NBAS: variants seen among roughly 807,000 people sequenced by gnomAD.
The protein encoded by NBAS is NBAS subunit of NRZ tethering complex.
In NBAS, 219 loss-of-function variants were observed where a neutral mutation model predicts 302.5. The ratio of observed to expected loss-of-function variants is 0.72; its 90% CI spans 0.65 to 0.81. NBAS has a LOEUF of 0.81. NBAS is among the 30% of genes least tolerant of loss of function. The probability of loss-of-function intolerance (pLI) is 0.00; values close to 1 mark genes in which losing one functional copy is unlikely to be tolerated. For missense variants in NBAS, 2,932 were observed against 2,841.6 expected (o/e 1.03, Z -0.72); for synonymous variants, 1,118 against 1,021.6 (o/e 1.09, Z -1.80).
In NBAS at chr2:15,292,605, C is replaced by T. The variant is rs778816080; in HGVS notation, c.4959G>A (p.Lys1653=). ...TQAQILQGLR[K]GVDVQRFTAD... ...CAGTAAACCGCTGCACGTCCACACC[C>T]TTCCGAAGGCCCTGAAGGATCTGCG... The change falls in exon 41 of 52, where the codon AAG becomes AAA. Residue 1653 remains lysine (K), a synonymous_variant. Transcript: ENST00000281513. The T allele has an allele frequency of 1.2e-6, 2 of 1,614,192 alleles. No homozygotes were observed. The highest frequency in any genetic ancestry group is 1.1e-5 in the South Asian group (1 of 91,078).
chr2:15,096,839 G>A, the NBAS span, among the ~76,000 whole-genome samples: 1 of 152,210 alleles, frequency 6.6e-6, no homozygotes, highest in South Asian at 2.1e-4. Context: ...ACCTGCTAAT[G>A]TCCCAGCACA....
the NBAS span, among the ~76,000 whole-genome samples, chr2:14,869,917 A>C: frequency 6.6e-6 from 1 of 152,228 alleles, no homozygotes; most frequent in Non-Finnish European, 1.5e-5. Flanking sequence ...TTCATCACAG[A>C]GTCAACACTG....
In NBAS at chr2:15,379,825, T is replaced by C. The variant is rs1359745855; in HGVS notation, c.3367A>G (p.Thr1123Ala). The change falls in exon 30 of 52, where the codon ACA becomes GCA. Residue 1123 changes from threonine to alanine, a missense_variant. Thr to Ala is a moderately conservative substitution (Grantham distance 58, BLOSUM62 0). Coordinates refer to ENST00000281513, the MANE Select transcript of NBAS (RefSeq NM_015909.4). ...LDSDACYEIF[T>A]ESLLCSSRLE... is the part of the protein sequence containing the mutation. ...CGACTAGAGCACAGAAGGCTTTCTG[T>C]AAATATCTGGAAAAAAGGAGAAACT... 4 of 1,613,566 alleles carry C rather than the reference T, an allele frequency of 2.5e-6. No individual in the cohort carries two copies. Among genetic ancestry groups the C allele is most frequent in the East Asian group, 4.5e-5 (2 of 44,830 alleles).
intron 12 of NBAS, among the ~76,000 whole-genome samples, chr2:15,485,771 G>A (rs550744636): frequency 3.3e-5 from 5 of 152,182 alleles, no homozygotes; most frequent in African/African-American, 9.7e-5. Context: ...TGGAAAGTAC[G>A]GCAGAAATGG....
At chr2:15,073,342 G>A in the NBAS span, among the ~76,000 whole-genome samples, 1 of 151,700 alleles carries the variant, frequency 6.6e-6, no homozygotes, top group Admixed American at 6.6e-5. Context: ...AGCTGGGCGT[G>A]GTGGCAGGTG....
the NBAS span, among the ~76,000 whole-genome samples, chr2:15,003,316 C>G: frequency 6.6e-6 from 1 of 152,158 alleles, no homozygotes; most frequent in South Asian, 2.1e-4. Flanking sequence ...TGAAGATGAT[C>G]TGGCAGTTGC....
chr2:15,317,515 C>T (rs931431287), intron 38 of NBAS, among the ~76,000 whole-genome samples: 13 of 152,052 alleles, frequency 8.5e-5, no homozygotes, highest in African/African-American at 3.1e-4. Context: ...AAGGGTTAGA[C>T]GAATGTCTAA....
At chr2:14,837,063 A>G in the NBAS span, among the ~76,000 whole-genome samples, 2 of 151,822 alleles carry the variant, frequency 1.3e-5, no homozygotes, top group Non-Finnish European at 3.0e-5. Context: ...TATCTGTCAA[A>G]CCTCTTAGAT....
At chr2:14,840,754 A>G in the NBAS span, among the ~76,000 whole-genome samples, 1 of 152,104 alleles carries the variant, frequency 6.6e-6, no homozygotes, top group African/African-American at 2.4e-5. Flanking sequence ...TTACCACCAC[A>G]AGATCCATCT....
chr2:15,523,248 C>T (rs921531671), intron 9 of NBAS, among the ~76,000 whole-genome samples: 9 of 152,146 alleles, frequency 5.9e-5, no homozygotes, highest in South Asian at 2.1e-4. Context: ...CGCAATTTCC[C>T]GGAGAGACTA....
chr2:14,793,476 G>A, the NBAS span, among the ~76,000 whole-genome samples: 1 of 152,024 alleles, frequency 6.6e-6, no homozygotes, highest in African/African-American at 2.4e-5. Flanking sequence ...CAGTAAACTT[G>A]AGGACAGAAC....
At chr2:15,099,045 G>A in the NBAS span, among the ~76,000 whole-genome samples, 3 of 151,888 alleles carry the variant, frequency 2.0e-5, no homozygotes, top group Non-Finnish European at 2.9e-5. Context: ...CATGGCTCAC[G>A]CCTGTAATCC....
chr2:15,191,405 A>G (rs73194934), intron 48 of NBAS, among the ~76,000 whole-genome samples: 2,796 of 152,320 alleles, frequency 0.018, 67 homozygotes, highest in African/African-American at 0.062. Flanking sequence ...CTATGAAATT[A>G]TCACTAATTG....
At chr2:15,549,596 C>T (rs1257494815) in intron 6 of NBAS, among the ~76,000 whole-genome samples, 1 of 152,014 alleles carries the variant, frequency 6.6e-6, no homozygotes, top group East Asian at 1.9e-4. Flanking sequence ...GGCATGGTGA[C>T]ACGCACCTGT....
the NBAS span, among the ~76,000 whole-genome samples, chr2:14,883,971 C>A: frequency 6.1e-5 from 8 of 130,886 alleles, no homozygotes; most frequent in African/African-American, 1.4e-4. Flanking sequence ...GACCTTCTCT[C>A]AAAAAAAATA....
At chr2:15,432,136 CTT>C (rs1183387726) in intron 21 of NBAS, among the ~76,000 whole-genome samples, 3 of 149,250 alleles carry the variant, frequency 2.0e-5, no homozygotes, top group Admixed American at 2.0e-4. Context: ...ACTATAGAAA[CTT>C]TGGGTAGGTG....
At chr2:15,265,033 T>C (rs2148025320) in intron 44 of NBAS, among the ~76,000 whole-genome samples, 1 of 152,332 alleles carries the variant, frequency 6.6e-6, no homozygotes, top group Non-Finnish European at 1.5e-5. Context: ...TTCCACATCA[T>C]ATGCAAACTT....
the NBAS span, among the ~76,000 whole-genome samples, chr2:15,045,817 C>T: frequency 6.6e-6 from 1 of 152,302 alleles, no homozygotes; most frequent in African/African-American, 2.4e-5. Flanking sequence ...TACTAATTTG[C>T]ATTCCCACTA....
In NBAS at chr2:15,232,484, T is replaced by C; in HGVS notation, c.6174A>G (p.Pro2058=). 2 of 1,613,992 alleles carry C rather than the reference T, an allele frequency of 1.2e-6. No homozygotes were observed. Among genetic ancestry groups the C allele is most frequent in the Non-Finnish European group, 1.7e-6 (2 of 1,180,002 alleles). Residue 2058 remains proline (P), a synonymous_variant, in exon 47 of 52, where the codon CCA becomes CCG. Transcript: ENST00000281513. ...LSGGSADLGG[P]RDPLKVLEGV... ...CTTCCAGGACCTTCAGTGGGTCCCT[T>C]GGCCCACCAAGGTCAGCACTGCCAC...
Sources: gnomAD v4.1 joint callset for allele counts (sites outside exome capture counted in the v4.1 genomes callset) on GRCh38, gnomAD v4.1.1 for gene constraint, MANE v1.5 for transcripts, NCBI Gene and HGNC (gene_info 2026-07-23, HGNC 2026-07-21) for gene names.